Variants in DOCK7 observed in about 807,000 individuals in gnomAD.
DOCK7 encodes the protein dedicator of cytokinesis protein 7.
Under a neutral mutation model 271.0 loss-of-function variants are expected in DOCK7, and 138 were observed. The ratio of observed to expected loss-of-function variants is 0.51; its 90% CI spans 0.44 to 0.59. The LOEUF is 0.59. Among genes scored for constraint, DOCK7 ranks in the 20% least tolerant of loss-of-function variants. DOCK7 has a pLI of 0.00. For synonymous variants in DOCK7, 823 were observed against 876.1 expected (o/e 0.94, Z 1.07); for missense variants, 2,066 against 2,592.4 (o/e 0.80, Z 4.41).
chr1:62,528,335 A>G lies in DOCK7; in HGVS notation c.3782-30T>C, dbSNP rs759916397. The G allele has an allele frequency of 1.7e-5, 27 of 1,574,100 alleles. 1 individual carries two copies. The South Asian group carries it at 2.9e-4, about 17-fold the overall frequency. On this transcript the variant is annotated intron_variant, in intron 30 of 49. Transcript: ENST00000635253. ...AGAAAAATAATCCAAAAAAATAAATAAAACTGTTTAGCTGAACTAATTCCC... is the reference window on the plus strand; with the variant it reads ...AGAAAAATAATCCAAAAAAATAAATGAAACTGTTTAGCTGAACTAATTCCC...
chr1:62,662,938 C>G (rs948387232), intron 2 of DOCK7, 87 bp downstream of exon 2: 1 of 1,014,590 alleles, frequency 9.9e-7, no homozygotes, highest in Admixed American at 2.1e-5. Context: ...ATGACGGAAC[C>G]CAATTAGCTC....
intron 34 of DOCK7, among the ~76,000 whole-genome samples, chr1:62,508,682 T>C (rs1043472089): frequency 6.6e-6 from 1 of 152,156 alleles, no homozygotes; most frequent in Non-Finnish European, 1.5e-5. Flanking sequence ...TATTAAAAGA[T>C]CATGTTATAT....
rs529527344 is a variant in DOCK7 at position 62,639,486 on chromosome 1, G to A, written c.819-2883C>T. Among the ~76,000 whole-genome samples the A allele has an allele frequency of 2.7e-3, 382 of 139,898 alleles. 1 individual carries two copies. Among genetic ancestry groups the A allele is most frequent in the African/African-American group, 9.9e-3 (365 of 36,838 alleles). 91.8% of individuals were successfully genotyped at this position (139,898 alleles called of 152,430 possible). On this transcript the variant is annotated intron_variant, in intron 7 of 49. Transcript: ENST00000635253. ...GTCTCGCTCTGTCGCCCAGGCTGGAGTGCAGTGGCTCGATCTCGGCTCACT... is the reference window on the plus strand; with the variant it reads ...GTCTCGCTCTGTCGCCCAGGCTGGAATGCAGTGGCTCGATCTCGGCTCACT...
chr1:62,545,154 T>C (rs1645661501), intron 22 of DOCK7, 115 bp from the exon 23 acceptor site: 2 of 1,004,250 alleles, frequency 2.0e-6, no homozygotes, highest in Middle Eastern at 2.2e-4. Context: ...TAATTAGTAC[T>C]GTTAAAGCAA....
chr1:62,552,216 G>C (rs903175161), intron 22 of DOCK7, among the ~76,000 whole-genome samples: 1 of 151,898 alleles, frequency 6.6e-6, no homozygotes, highest in Non-Finnish European at 1.5e-5. Flanking sequence ...AAATGTGTGT[G>C]GGGGGTGGGG....
chr1:62,604,697 AG>A (rs1233091869), intron 14 of DOCK7: 2 of 1,613,240 alleles, frequency 1.2e-6, no homozygotes, highest in African/African-American at 2.7e-5. Context: ...ACAAACCAAG[AG>A]CAAAATCTAA....
intron 31 of DOCK7, among the ~76,000 whole-genome samples, chr1:62,516,028 G>GA (rs962119347): frequency 1.8e-4 from 27 of 149,608 alleles, no homozygotes; most frequent in South Asian, 1.3e-3. Context: ...CTTCCTTGAG[G>GA]AAAAAAAAAG....
intron 31 of DOCK7, 43 bp from the exon 32 acceptor site, chr1:62,513,941 C>T: frequency 6.6e-7 from 1 of 1,522,518 alleles, no homozygotes; most frequent in Non-Finnish European, 8.9e-7. Context: ...TGATCAAAGA[C>T]CATTTCTTGT....
chr1:62,586,250 G>C lies in DOCK7; in HGVS notation c.1800+257C>G, dbSNP rs371834901. On this transcript the variant is annotated intron_variant, in intron 15 of 49. Transcript: ENST00000635253. ...GAAAATCACTATTTTAGATTTATAT[G>C]TATTCATTTTATATCCTCTGGATTA... 2.1e-3 allele frequency among the ~76,000 whole-genome samples: 313 copies of C among 152,180 alleles called. 2 individuals carry two copies. The highest frequency in any genetic ancestry group is 7.2e-3 in the African/African-American group (298 of 41,522).
intron 31 of DOCK7, among the ~76,000 whole-genome samples, chr1:62,522,997 T>C (rs543368393): frequency 1.3e-5 from 2 of 152,250 alleles, no homozygotes; most frequent in African/African-American, 4.8e-5. Flanking sequence ...ACAAAAGATA[T>C]GCTAGTCCTC....
At chr1:62,638,555 ATT>A (rs529182076) in intron 7 of DOCK7, among the ~76,000 whole-genome samples, 1 of 147,586 alleles carries the variant, frequency 6.8e-6, no homozygotes. Context: ...GAATATATAT[ATT>A]TTTTCATGAA....
intron 43 of DOCK7, chr1:62,486,188 A>G (rs565981474): frequency 6.6e-6 from 1 of 152,274 alleles, no homozygotes; most frequent in Non-Finnish European, 1.5e-5. Context: ...TATTTTGAGT[A>G]TTGATACAGT....
chr1:62,514,749 C>T (rs567743953), intron 31 of DOCK7, among the ~76,000 whole-genome samples: 57 of 152,060 alleles, frequency 3.7e-4, no homozygotes, highest in Admixed American at 1.4e-3. Flanking sequence ...TAAACTATAA[C>T]ATTAACTATT....
chr1:62,479,706 C>A, intron 43 of DOCK7: 1 of 359,006 alleles, frequency 2.8e-6, no homozygotes, highest in South Asian at 2.2e-5. Flanking sequence ...TTTTTTGAGA[C>A]AGGGTCTCAC....
intron 20 of DOCK7, among the ~76,000 whole-genome samples, chr1:62,557,731 CTGT>C (rs773847422): frequency 6.6e-5 from 10 of 151,248 alleles, no homozygotes; most frequent in Non-Finnish European, 1.2e-4. Context: ...TTTGCAATTA[CTGT>C]TATTACTATT....
chr1:62,542,748 T>C (rs1645577845), intron 24 of DOCK7, 45 bp from the exon 25 acceptor site: 2 of 1,563,944 alleles, frequency 1.3e-6, no homozygotes, highest in African/African-American at 1.4e-5. Context: ...TCAAATCTGC[T>C]GATAACATAA....
intron 48 of DOCK7, among the ~76,000 whole-genome samples, chr1:62,467,840 G>A (rs1645721137): frequency 6.6e-6 from 1 of 152,072 alleles, no homozygotes; most frequent in South Asian, 2.1e-4. Context: ...GATGAACATA[G>A]AAGCAAAAAT....
At position 62,648,407 on chromosome 1, in the gene DOCK7, A is replaced by C. The variant is rs1656938935; in HGVS notation, c.519+8T>G. On this transcript the variant is annotated splice_region_variant and intron_variant, in intron 5 of 49. Transcript: ENST00000635253. ...CTTCTTATAGTTATTTAAGAATAAA[A>C]GTATTACTTGATCATCCTGGTAGCT... is the stretch of plus-strand genomic sequence containing the variant. 2.0e-6 allele frequency: 3 copies of C among 1,501,934 alleles called. No homozygotes were observed. The East Asian group carries it at 7.4e-5, about 37-fold the overall frequency. 93.0% of individuals were successfully genotyped at this position (1,501,934 alleles called of 1,614,324 possible). A position where few individuals can be genotyped will look rare whatever the true frequency, so the allele number is the denominator to read the frequency against.
At chr1:62,604,543 TAAGA>T in intron 14 of DOCK7, 1 of 1,339,100 alleles carries the variant, frequency 7.5e-7, no homozygotes, top group Non-Finnish European at 1.1e-6. Flanking sequence ...GTAATATTTA[TAAGA>T]AAGGAAGATA....
Sources: allele counts gnomAD v4.1 joint callset (sites outside exome capture counted in the v4.1 genomes callset), GRCh38; gene constraint gnomAD v4.1.1; transcripts MANE v1.5; gene names NCBI Gene and HGNC (gene_info 2026-07-23, HGNC 2026-07-21).